The following WDTC1 variants were observed in gnomAD, a reference collection of about 807,000 sequenced individuals.
WDTC1 encodes WD and tetratricopeptide repeats 1.
Under a neutral mutation model 76.0 loss-of-function variants are expected in WDTC1, and 12 were observed. The ratio of observed to expected loss-of-function variants is 0.16; its 90% CI spans 0.10 to 0.26. The LOEUF (loss-of-function observed/expected upper bound fraction) is 0.26, where lower values mean the gene tolerates loss of function less well. Ranked by LOEUF, WDTC1 falls within the 10% of genes least tolerant of loss-of-function variation. WDTC1 has a pLI of 1.00. For missense variants in WDTC1, 511 were observed against 908.8 expected (o/e 0.56, Z 5.63); for synonymous variants, 326 against 350.8 (o/e 0.93, Z 0.79).
chr1:27,285,994 TG>T (rs1189880609), intron 5 of WDTC1, among the ~76,000 whole-genome samples: 8 of 123,370 alleles, frequency 6.5e-5, no homozygotes, highest in South Asian at 2.6e-4. Context: ...ATCAGGATGG[TG>T]GTTTTTTTTT....
chr1:27,292,560 T>C (rs2013563705), intron 7 of WDTC1, among the ~76,000 whole-genome samples, 163 bp downstream of exon 7: 1 of 152,028 alleles, frequency 6.6e-6, no homozygotes, highest in East Asian at 1.9e-4. Flanking sequence ...CTCAAGTAGC[T>C]GAGACTACAG....
chr1:27,249,125 C>T (rs1462931625), intron 1 of WDTC1, among the ~76,000 whole-genome samples: 2 of 151,956 alleles, frequency 1.3e-5, no homozygotes, highest in African/African-American at 2.4e-5. Context: ...AAAAATTAGC[C>T]GAGCATAATG....
chr1:27,251,882 C>A (rs1467152566), intron 1 of WDTC1, among the ~76,000 whole-genome samples: 1 of 152,006 alleles, frequency 6.6e-6, no homozygotes, highest in African/African-American at 2.4e-5. Flanking sequence ...AACCTCATCT[C>A]TACTAAAAAT....
In WDTC1 at chr1:27,274,948, AAG is replaced by A. The variant is rs1400419214; in HGVS notation, c.133-7290_133-7289del. Among the ~76,000 whole-genome samples, 1 of 152,226 alleles carries A rather than the reference AAG, an allele frequency of 6.6e-6. No individual in the cohort carries two copies. Among genetic ancestry groups the A allele is most frequent in the Non-Finnish European group, 1.5e-5 (1 of 68,042 alleles). On this transcript the variant is annotated intron_variant, in intron 3 of 15. Coordinates refer to ENST00000319394, the MANE Select transcript of WDTC1 (RefSeq NM_001276252.2). This position sits in a 1 kb window ranked among gnomAD's most constrained non-coding sequence, Gnocchi z 4.2. Reference sequence around the variant, plus strand: ...AATCAGAGTAAAACTCAGCATTTCTAAGGTCAGATAAGTGGTAGAAATAAGAT... The same window carrying A: ...AATCAGAGTAAAACTCAGCATTTCTAGTCAGATAAGTGGTAGAAATAAGAT...
chr1:27,286,293 G>A (rs972138999), intron 5 of WDTC1, among the ~76,000 whole-genome samples: 1 of 150,898 alleles, frequency 6.6e-6, no homozygotes, highest in Non-Finnish European at 1.5e-5. Flanking sequence ...GTGAGCCACG[G>A]CACCTGGCCG....
At chr1:27,296,434 C>G (rs756558850) in intron 10 of WDTC1, 33 bp downstream of exon 10, 2 of 1,610,474 alleles carry the variant, frequency 1.2e-6, no homozygotes, top group East Asian at 4.5e-5. Context: ...TCTACTGCGG[C>G]GGTGTAGGGG....
intron 3 of WDTC1, among the ~76,000 whole-genome samples, chr1:27,281,473 A>G (rs1460151859): frequency 6.6e-6 from 1 of 151,950 alleles, no homozygotes; most frequent in Non-Finnish European, 1.5e-5. Context: ...TGGGTGAATA[A>G]AAGATTAGCC....
At chr1:27,270,658 T>C (rs985364840) in intron 3 of WDTC1, among the ~76,000 whole-genome samples, 2 of 152,162 alleles carry the variant, frequency 1.3e-5, no homozygotes, top group Non-Finnish European at 2.9e-5. Context: ...ATTGTGCCAC[T>C]GCACTCCAGC....
intron 8 of WDTC1, 46 bp downstream of exon 8, chr1:27,294,162 G>A: frequency 6.3e-7 from 1 of 1,592,768 alleles, no homozygotes; most frequent in Non-Finnish European, 8.6e-7. Context: ...GCTAGATGCT[G>A]ACTCTTTTGG....
At chr1:27,272,754 T>C (rs1043846992) in intron 3 of WDTC1, among the ~76,000 whole-genome samples, 1 of 151,832 alleles carries the variant, frequency 6.6e-6, no homozygotes, top group Non-Finnish European at 1.5e-5. Flanking sequence ...TCTCCACAAA[T>C]AAAAAATAGC....
intron 1 of WDTC1, 28 bp downstream of exon 1, chr1:27,234,979 C>T (rs1293161113): frequency 2.6e-6 from 1 of 384,854 alleles, no homozygotes; most frequent in Non-Finnish European, 4.6e-6. Context: ...CCCCTGCCCT[C>T]CGCGGGCGCC....
chr1:27,251,621 C>T lies in WDTC1; in HGVS notation c.-99-9335C>T, dbSNP rs145344782. Among the ~76,000 whole-genome samples, 116 of 152,072 alleles carry T rather than the reference C, an allele frequency of 7.6e-4. 1 individual carries two copies. The highest frequency in any genetic ancestry group is 2.5e-3 in the African/African-American group (103 of 41,476). On this transcript the variant is annotated intron_variant, in intron 1 of 15. Transcript: ENST00000319394. ...GATTGTTTGAAGCTAGCCAGGCAGT[C>T]AAGACCAACCTGGGCAACATAGCAA...
chr1:27,296,755 C>T (rs1027004121), intron 10 of WDTC1, among the ~76,000 whole-genome samples: 1 of 42,026 alleles, frequency 2.4e-5, no homozygotes, highest in African/African-American at 7.9e-5. Context: ...TCCATTCCCA[C>T]CCCCAGCCCC....
rs1475334343 is a variant in WDTC1 at position 27,287,778 on chromosome 1, C to A, written c.396C>A (p.Asp132Glu). The A allele has an allele frequency of 1.9e-6, 3 of 1,614,110 alleles. No individual in the cohort carries two copies. In the East Asian group the frequency reaches 6.7e-5, roughly 36 times the overall value. ...TVKETIHMFG[D>E]HTNRVKRIAT... Reference sequence around the variant, plus strand: ...AGGAGACCATCCACATGTTTGGAGACCACACAAACCGGGTGAAGCGCATCG... The same window carrying A: ...AGGAGACCATCCACATGTTTGGAGAACACACAAACCGGGTGAAGCGCATCG... Residue 132 changes from aspartate (D) to glutamate (E), a missense_variant, in exon 6 of 16, where the codon GAC becomes GAA. Physicochemically the swap from Asp to Glu is conservative, Grantham distance 45. Transcript: ENST00000319394.
At chr1:27,262,226 C>T (rs1489564073) in intron 2 of WDTC1, among the ~76,000 whole-genome samples, 1 of 151,794 alleles carries the variant, frequency 6.6e-6, no homozygotes, top group Non-Finnish European at 1.5e-5. Context: ...CCATGCCTGA[C>T]CTAAAAAAAT....
chr1:27,264,187 C>T (rs2012582899), intron 3 of WDTC1, among the ~76,000 whole-genome samples: 1 of 152,070 alleles, frequency 6.6e-6, no homozygotes. Context: ...ATTTGGGAGG[C>T]TAAGGCACGA....
intron 3 of WDTC1, among the ~76,000 whole-genome samples, chr1:27,266,937 C>G (rs942665419): frequency 6.6e-6 from 1 of 152,122 alleles, no homozygotes; most frequent in Admixed American, 6.6e-5. Flanking sequence ...TGAAAGAGAA[C>G]TATTATGAGA....
chr1:27,262,746 A>G (rs2012522584), intron 2 of WDTC1, among the ~76,000 whole-genome samples: 1 of 152,012 alleles, frequency 6.6e-6, no homozygotes, highest in Admixed American at 6.6e-5. Context: ...ATTTCATTAG[A>G]CTGAGTGGTC....
chr1:27,297,775 A>T (rs1351066457), intron 11 of WDTC1, among the ~76,000 whole-genome samples, 163 bp from the exon 12 acceptor site: 1 of 152,156 alleles, frequency 6.6e-6, no homozygotes, highest in East Asian at 1.9e-4. Flanking sequence ...TATCACAGTA[A>T]TAGGTAATAT....
Sources: allele counts gnomAD v4.1 joint callset (sites outside exome capture counted in the v4.1 genomes callset), GRCh38; gene constraint gnomAD v4.1.1; non-coding constraint Gnocchi (gnomAD v3.1); transcripts MANE v1.5; gene names NCBI Gene and HGNC (gene_info 2026-07-23, HGNC 2026-07-21).